Variants in PCBP2 observed in about 807,000 individuals in gnomAD.
PCBP2 encodes poly(rC) binding protein 2, also known as poly(rC)-binding protein 2.
A neutral mutation model predicts 50.1 loss-of-function variants in PCBP2; 4 were observed. The ratio of observed to expected loss-of-function variants is 0.08; its 90% CI spans 0.04 to 0.18. The LOEUF is 0.18. Among genes scored for constraint, PCBP2 ranks in the 10% least tolerant of loss-of-function variants. The pLI is 1.00. For missense variants in PCBP2, 161 were observed against 474.3 expected (o/e 0.34, Z 6.14); for synonymous variants, 179 against 168.0 (o/e 1.07, Z -0.51).
In PCBP2 at chr12:53,479,513, G is replaced by C. The variant is rs1942909472; in HGVS notation, c.*71G>C. ...CCCATGATCCATCTGTGTAGTTTCT[G>C]AACAGTCAGCGATTCCAGGTTTTAA... is the stretch of plus-strand genomic sequence containing the variant. On this transcript the variant is annotated 3_prime_UTR_variant, in exon 15 of 15. Transcript: ENST00000546463. The C allele has an allele frequency of 1.5e-6, 2 of 1,363,260 alleles. No individual in the cohort carries two copies. Among genetic ancestry groups the C allele is most frequent in the East Asian group, 2.3e-5 (1 of 43,448 alleles). The allele number at this position is 1,363,260 out of a possible 1,614,324, so 84.4% of individuals were successfully genotyped here. A position where few individuals can be genotyped will look rare whatever the true frequency, so the allele number is the denominator to read the frequency against.
At chr12:53,467,494 A>AG (rs1396271018) in intron 11 of PCBP2, 2 of 638,580 alleles carry the variant, frequency 3.1e-6, no homozygotes, top group South Asian at 1.8e-5. Flanking sequence ...TTATTCTAAA[A>AG]GAAAAAAAAA....
chr12:53,453,107 G>C (rs1940703355), intron 1 of PCBP2: 1 of 152,082 alleles, frequency 6.6e-6, no homozygotes, highest in Non-Finnish European at 1.5e-5. Flanking sequence ...ACCTAGTCAG[G>C]AGGGAAATTC....
chr12:53,461,812 C>T (rs778327525), intron 7 of PCBP2, among the ~76,000 whole-genome samples: 1 of 152,030 alleles, frequency 6.6e-6, no homozygotes, highest in Non-Finnish European at 1.5e-5. Flanking sequence ...CAGGCTTAAG[C>T]GATCCTCTCA....
intron 13 of PCBP2, 104 bp downstream of exon 13, chr12:53,468,936 T>TTTTTTTTA: frequency 1.2e-6 from 1 of 852,438 alleles, no homozygotes; most frequent in African/African-American, 1.7e-5. Context: ...TTTTTTTTTT[T>TTTTTTTTA]AAACAGCCCA....
At chr12:53,468,989 G>T (rs937755207) in intron 13 of PCBP2, among the ~76,000 whole-genome samples, 157 bp downstream of exon 13, 4 of 137,452 alleles carry the variant, frequency 2.9e-5, no homozygotes, top group African/African-American at 1.1e-4. Flanking sequence ...CGCAGCCTCC[G>T]CCTCCCGGGT....
chr12:53,470,248 C>T (rs1252435872), intron 13 of PCBP2, among the ~76,000 whole-genome samples: 3 of 151,484 alleles, frequency 2.0e-5, no homozygotes, highest in Admixed American at 6.6e-5. Context: ...TGTGCTGGCC[C>T]GCACCTGTAA....
chr12:53,457,035 T>C (rs1941078224), intron 5 of PCBP2, among the ~76,000 whole-genome samples: 1 of 152,238 alleles, frequency 6.6e-6, no homozygotes. Flanking sequence ...TAGTTCTTTT[T>C]TATACATCAT....
At chr12:53,454,983 C>A in intron 2 of PCBP2, 114 bp downstream of exon 2, 1 of 875,776 alleles carries the variant, frequency 1.1e-6, no homozygotes, top group South Asian at 1.4e-5. Context: ...CTGGCTTTAG[C>A]ACATTTCCCT....
At chr12:53,465,728 C>G (rs1042793776) in intron 9 of PCBP2, among the ~76,000 whole-genome samples, 1 of 152,100 alleles carries the variant, frequency 6.6e-6, no homozygotes, top group Non-Finnish European at 1.5e-5. Context: ...TAGGATTCCC[C>G]GGAACAAAGT....
intron 7 of PCBP2, 95 bp from the exon 8 acceptor site, chr12:53,462,398 T>A: frequency 1.1e-6 from 1 of 933,760 alleles, no homozygotes; most frequent in South Asian, 1.7e-5. Context: ...AAATAGTTTT[T>A]AATTTAACTG....
intron 8 of PCBP2, among the ~76,000 whole-genome samples, chr12:53,463,340 TGAG>T (rs904499072): frequency 5.9e-5 from 9 of 152,298 alleles, no homozygotes; most frequent in African/African-American, 2.2e-4. Context: ...TGATTGTATT[TGAG>T]GAGTAGGTAG....
chr12:53,470,825 G>A (rs1256228561), intron 13 of PCBP2, among the ~76,000 whole-genome samples: 2 of 150,394 alleles, frequency 1.3e-5, no homozygotes, highest in Non-Finnish European at 2.9e-5. Context: ...AATTCTTGTC[G>A]GTATAGGAGG....
intron 4 of PCBP2, 125 bp from the exon 5 acceptor site, chr12:53,455,760 G>A: frequency 1.3e-6 from 1 of 742,604 alleles, no homozygotes; most frequent in Non-Finnish European, 2.3e-6. Context: ...GTAGTGTTTG[G>A]AATGATGCTG....
At chr12:53,471,896 A>ATGGG in intron 14 of PCBP2, 89 bp downstream of exon 14, 1 of 980,292 alleles carries the variant, frequency 1.0e-6, no homozygotes, top group South Asian at 1.9e-5. Context: ...ATGGGATTAC[A>ATGGG]TGGGCGATGG....
intron 10 of PCBP2, among the ~76,000 whole-genome samples, chr12:53,466,320 AGTT>A (rs1941820942): frequency 3.3e-5 from 5 of 152,152 alleles, no homozygotes; most frequent in African/African-American, 1.2e-4. Flanking sequence ...CCTTGCATGC[AGTT>A]CTCTTTTCCA....
chr12:53,469,867 G>T (rs746493537), intron 13 of PCBP2, among the ~76,000 whole-genome samples: 3 of 140,618 alleles, frequency 2.1e-5, no homozygotes, highest in Non-Finnish European at 4.5e-5. Flanking sequence ...CCAGCCTCCC[G>T]AGTAGATGGG....
At chr12:53,459,829 A>G (rs1328956319) in intron 6 of PCBP2, 2 of 452,762 alleles carry the variant, frequency 4.4e-6, no homozygotes, top group African/African-American at 2.0e-5. Context: ...GTCATGGCTC[A>G]CTGCAGCAAA....
At chr12:53,453,694 T>A (rs1940756808) in intron 1 of PCBP2, among the ~76,000 whole-genome samples, 1 of 152,188 alleles carries the variant, frequency 6.6e-6, no homozygotes, top group Non-Finnish European at 1.5e-5. Context: ...TTGGGGACAT[T>A]CTACAACTTG....
rs1048647962 is a variant in PCBP2 at position 53,480,508 on chromosome 12, G to C, written c.*1066G>C. On this transcript the variant is annotated 3_prime_UTR_variant, in exon 15 of 15. Coordinates refer to ENST00000546463, the MANE Select transcript of PCBP2 (RefSeq NM_031989.5). ...CTCAACAGCTGGGCCTGCATGGAGTGTTATATTTCAAGGTTTTTCACAGGG... is the reference window on the plus strand; with the variant it reads ...CTCAACAGCTGGGCCTGCATGGAGTCTTATATTTCAAGGTTTTTCACAGGG... 6.6e-6 allele frequency: 1 copy of C among 152,564 alleles called. No individual in the cohort carries two copies. Among genetic ancestry groups the C allele is most frequent in the African/African-American group, 2.4e-5 (1 of 41,410 alleles). 9.5% of individuals were successfully genotyped at this position (152,564 alleles called of 1,614,324 possible).
Sources: gnomAD v4.1 joint callset for allele counts (sites outside exome capture counted in the v4.1 genomes callset) on GRCh38, gnomAD v4.1.1 for gene constraint, MANE v1.5 for transcripts, NCBI Gene and HGNC (gene_info 2026-07-23, HGNC 2026-07-21) for gene names.